PTPRG: variants seen among roughly 807,000 people sequenced by gnomAD.
PTPRG encodes the protein protein tyrosine phosphatase receptor type G.
In PTPRG, 102 loss-of-function variants were observed where a neutral mutation model predicts 165.3. That is an observed-to-expected ratio of 0.62 (90% CI 0.53 to 0.73). The LOEUF is 0.73. Among genes scored for constraint, PTPRG ranks in the 30% least tolerant of loss-of-function variants. The probability of loss-of-function intolerance (pLI) is 0.00; values close to 1 mark genes in which losing one functional copy is unlikely to be tolerated. For synonymous variants in PTPRG, 675 were observed against 669.5 expected, an observed-to-expected ratio of 1.01 and a Z score of -0.13; for missense variants, 1,866 against 1,861.4, an observed-to-expected ratio of 1.00 and a Z score of -0.05.
intron 4 of PTPRG, among the ~76,000 whole-genome samples, chr3:62,064,779 C>T (rs551687589): frequency 1.4e-4 from 17 of 125,712 alleles, no homozygotes; most frequent in East Asian, 4.8e-4. Flanking sequence ...CTTGCCCAGC[C>T]TGGAGTATAA....
intron 2 of PTPRG, among the ~76,000 whole-genome samples, chr3:61,816,311 C>T (rs1156614544): frequency 6.6e-6 from 1 of 152,166 alleles, no homozygotes; most frequent in Non-Finnish European, 1.5e-5. Context: ...GGGCAGATCA[C>T]TTGAGGTTAG....
chr3:61,605,593 G>C (rs1468048182), intron 1 of PTPRG, among the ~76,000 whole-genome samples: 2 of 151,658 alleles, frequency 1.3e-5, no homozygotes, highest in African/African-American at 4.8e-5. Context: ...TTTTTAGAAA[G>C]AGTCTTGCTC....
At chr3:62,241,355 G>A (rs1415552802) in intron 14 of PTPRG, among the ~76,000 whole-genome samples, 1 of 152,146 alleles carries the variant, frequency 6.6e-6, no homozygotes, top group Non-Finnish European at 1.5e-5. Context: ...TCTGTAGTTA[G>A]TTGCCCACCC....
Position 61,991,684 on chromosome 3 carries a change from T to A in PTPRG, c.370+1880T>A, listed in dbSNP as rs149164426. ...ATCTAAATGTAGTGGGCGAGAGCTT[T>A]GCCACACTGGGTGCAATCAGATTGG... On this transcript the variant is annotated intron_variant, in intron 3 of 29. Coordinates refer to ENST00000474889, the MANE Select transcript of PTPRG (RefSeq NM_002841.4). Among the ~76,000 whole-genome samples the A allele has an allele frequency of 1.6e-3, 250 of 152,346 alleles. 2 individuals are homozygous for A. The highest frequency in any genetic ancestry group is 5.9e-3 in the African/African-American group (245 of 41,574).
chr3:61,570,511 AG>A (rs1317230749), intron 1 of PTPRG, among the ~76,000 whole-genome samples: 1 of 152,216 alleles, frequency 6.6e-6, no homozygotes, highest in African/African-American at 2.4e-5. Flanking sequence ...TGAGTGAAGC[AG>A]GGTGTTGTAT....
At chr3:61,904,650 A>G (rs916904798) in intron 2 of PTPRG, among the ~76,000 whole-genome samples, 1 of 152,172 alleles carries the variant, frequency 6.6e-6, no homozygotes, top group African/African-American at 2.4e-5. Flanking sequence ...TTTTCACTAC[A>G]TTTAAATTGT....
intron 5 of PTPRG, among the ~76,000 whole-genome samples, chr3:62,098,981 A>G (rs971249007): frequency 4.6e-5 from 7 of 152,198 alleles, no homozygotes; most frequent in Admixed American, 1.3e-4. Flanking sequence ...AGACAGACAC[A>G]TTGTGAGATG....
At position 62,077,025 on chromosome 3, in the gene PTPRG, G is replaced by T. The variant is rs534544315; in HGVS notation, c.520-1138G>T. 9.2e-5 allele frequency among the ~76,000 whole-genome samples: 14 copies of T among 152,234 alleles called. No homozygotes were observed. In the South Asian group the frequency reaches 2.9e-3, roughly 32 times the overall value. On this transcript the variant is annotated intron_variant, in intron 4 of 29. Coordinates refer to ENST00000474889, the MANE Select transcript of PTPRG (RefSeq NM_002841.4). The stretch of plus-strand genomic sequence containing the variant: ...TCACACTTGTAATCCCAGTGTTTTG[G>T]GAGGCTGAGGCATGCAGACTGCTTG...
intron 7 of PTPRG, among the ~76,000 whole-genome samples, chr3:62,167,199 C>T (rs771810631): frequency 5.3e-5 from 8 of 152,044 alleles, no homozygotes; most frequent in South Asian, 2.1e-4. Context: ...AGTATTATTA[C>T]GTGTTTTACA....
intron 5 of PTPRG, among the ~76,000 whole-genome samples, chr3:62,099,958 C>T (rs1702235099): frequency 6.6e-6 from 1 of 151,794 alleles, no homozygotes; most frequent in Non-Finnish European, 1.5e-5. Flanking sequence ...ACCACCAAGC[C>T]CGGCTAATTT....
chr3:61,660,601 T>C (rs1481928276), intron 1 of PTPRG, among the ~76,000 whole-genome samples: 1 of 152,182 alleles, frequency 6.6e-6, no homozygotes, highest in Non-Finnish European at 1.5e-5. Context: ...TACCTCATGG[T>C]GTTGGTATCA....
At chr3:61,649,783 A>T (rs2106978917) in intron 1 of PTPRG, among the ~76,000 whole-genome samples, 1 of 152,296 alleles carries the variant, frequency 6.6e-6, no homozygotes, top group South Asian at 2.1e-4. Flanking sequence ...AGATGCACAG[A>T]CTGACACTTA....
intron 2 of PTPRG, among the ~76,000 whole-genome samples, chr3:61,892,757 A>G (rs945998637): frequency 6.6e-6 from 1 of 151,772 alleles, no homozygotes; most frequent in Non-Finnish European, 1.5e-5. Context: ...GGGAGGTTGC[A>G]GTGAGCCGAG....
At position 61,773,500 on chromosome 3, in the gene PTPRG, T is replaced by C. The variant is rs972813089; in HGVS notation, c.190+24518T>C. Among the ~76,000 whole-genome samples, 4 of 152,196 alleles carry C rather than the reference T, an allele frequency of 2.6e-5. No individual in the cohort carries two copies. In the East Asian group the frequency reaches 7.7e-4, roughly 29 times the overall value. On this transcript the variant is annotated intron_variant, in intron 2 of 29. Transcript: ENST00000474889. ...TGGCCAAAATAAAAGACTTTTGGGA[T>C]TGGACATGGTTATTGGATAAATAAT...
In PTPRG at chr3:62,292,502, T is replaced by C; in HGVS notation, c.4137T>C (p.Val1379=). 1 of 1,613,776 alleles carries C rather than the reference T, an allele frequency of 6.2e-7. No homozygotes were observed. ...QQLENENAVD[V]FQVAKMINLM... is the part of the protein sequence containing the mutation. ...TGGAGAATGAAAATGCTGTGGATGT[T>C]TTCCAGGTTGCAAAAATGATCAATC... The change falls in exon 29 of 30, where the codon GTT becomes GTC. Residue 1379 remains valine, a synonymous_variant. Coordinates refer to ENST00000474889, the MANE Select transcript of PTPRG (RefSeq NM_002841.4).
chr3:62,139,290 C>CCCCA (rs1703834528), intron 6 of PTPRG, among the ~76,000 whole-genome samples: 1 of 152,040 alleles, frequency 6.6e-6, no homozygotes, highest in Non-Finnish European at 1.5e-5. Flanking sequence ...CATGTTGAAA[C>CCCCA]CCCATCTCTA....
At chr3:61,830,566 G>GTTTTTTTTTTTTTT (rs57644199) in intron 2 of PTPRG, among the ~76,000 whole-genome samples, 11 of 86,486 alleles carry the variant, frequency 1.3e-4, no homozygotes, top group Admixed American at 1.5e-4. Flanking sequence ...TTTTGTTTTT[G>GTTTTTTTTTTTTTT]TTTTTTTTTT....
At chr3:61,798,427 C>CA (rs963496461) in intron 2 of PTPRG, among the ~76,000 whole-genome samples, 44 of 152,152 alleles carry the variant, frequency 2.9e-4, no homozygotes, top group Admixed American at 1.9e-3. Flanking sequence ...ACAGTAATAT[C>CA]AGGCATGAAA....
At position 61,631,734 on chromosome 3, in the gene PTPRG, A is replaced by C. The variant is rs138328354; in HGVS notation, c.85+69362A>C. Among the ~76,000 whole-genome samples the C allele has an allele frequency of 2.5e-3, 381 of 152,304 alleles. 1 individual carries two copies. Among genetic ancestry groups the C allele is most frequent in the African/African-American group, 8.9e-3 (369 of 41,558 alleles). ...ATAAAAGTGCTTATTCTACTCAGTC[A>C]TTGGGGAGAGTATTTCTGGATCAGT... is the stretch of plus-strand genomic sequence containing the variant. On this transcript the variant is annotated intron_variant, in intron 1 of 29. Transcript: ENST00000474889.
Sources: gnomAD v4.1 joint callset for allele counts (sites outside exome capture counted in the v4.1 genomes callset) on GRCh38, gnomAD v4.1.1 for gene constraint, MANE v1.5 for transcripts, NCBI Gene and HGNC (gene_info 2026-07-23, HGNC 2026-07-21) for gene names.